OPCML: variants seen among roughly 807,000 people sequenced by gnomAD.
The protein encoded by OPCML is opioid binding protein/cell adhesion molecule like.
OPCML carries 13 observed loss-of-function variants against 37.8 expected under a neutral mutation model. That is an observed-to-expected ratio of 0.34 (90% CI 0.22 to 0.55). The LOEUF (loss-of-function observed/expected upper bound fraction) is 0.55, where lower values mean the gene tolerates loss of function less well. Among genes scored for constraint, OPCML ranks in the 20% least tolerant of loss-of-function variants. The pLI, the probability that OPCML is intolerant of heterozygous loss-of-function variation, is 0.91. For missense variants in OPCML, 341 were observed against 435.6 expected (o/e 0.78, Z 1.93); for synonymous variants, 176 against 168.8 (o/e 1.04, Z -0.33).
In OPCML at chr11:132,427,113, A is replaced by T. The variant is rs181585784; in HGVS notation, c.917-6820T>A. On this transcript the variant is annotated intron_variant, in intron 7 of 7. Transcript: ENST00000524381. Reference sequence around the variant, plus strand: ...CCATAAACTATATAGCTGAAATTCTACTAAAATGGCAGATGGTAGGGTGAC... The same window carrying T: ...CCATAAACTATATAGCTGAAATTCTTCTAAAATGGCAGATGGTAGGGTGAC... Among the ~76,000 whole-genome samples, 25 of 152,330 alleles carry T rather than the reference A, an allele frequency of 1.6e-4. No individual in the cohort carries two copies. In the East Asian group the frequency reaches 4.8e-3, roughly 29 times the overall value.
intron 3 of OPCML, among the ~76,000 whole-genome samples, chr11:132,536,394 C>T (rs887570389): frequency 6.6e-6 from 1 of 152,146 alleles, no homozygotes; most frequent in African/African-American, 2.4e-5. Context: ...TTTTTGTACA[C>T]AAGCCATTAA....
chr11:133,508,633 C>G (rs932168815), intron 1 of OPCML, among the ~76,000 whole-genome samples: 1 of 152,152 alleles, frequency 6.6e-6, no homozygotes, highest in East Asian at 1.9e-4. Context: ...GGAACTGGCC[C>G]GAGCCTCCCA....
intron 7 of OPCML, among the ~76,000 whole-genome samples, chr11:132,429,103 G>A (rs771155938): frequency 2.0e-5 from 3 of 152,018 alleles, no homozygotes; most frequent in East Asian, 1.9e-4. Flanking sequence ...GATGTGTAAC[G>A]GGATCTGGGA....
intron 4 of OPCML, among the ~76,000 whole-genome samples, chr11:132,459,383 T>C (rs917218448): frequency 1.4e-4 from 21 of 147,670 alleles, no homozygotes; most frequent in African/African-American, 5.0e-4. Context: ...ATGAGCCAAT[T>C]CCTTTCTCTC....
At chr11:133,073,761 T>G (rs987840836) in intron 1 of OPCML, among the ~76,000 whole-genome samples, 1 of 152,224 alleles carries the variant, frequency 6.6e-6, no homozygotes, top group Non-Finnish European at 1.5e-5. Flanking sequence ...CAAGTGATTA[T>G]GAACAAATGC....
chr11:133,525,926 G>A lies in OPCML; in HGVS notation c.61+6338C>T, dbSNP rs187232847. On this transcript the variant is annotated intron_variant, in intron 1 of 7. Coordinates refer to ENST00000524381, the MANE Select transcript of OPCML (RefSeq NM_001012393.5). ...GGGGGTCTCTCAGCACAGCATCTCC[G>A]CTCATTAACGAGAATGCGCCTGCAT... Among the ~76,000 whole-genome samples, 18 of 152,294 alleles carry A rather than the reference G, an allele frequency of 1.2e-4. No individual in the cohort carries two copies. In the East Asian group the frequency reaches 3.1e-3, roughly 26 times the overall value.
At chr11:133,072,280 T>C (rs1261486536) in intron 1 of OPCML, among the ~76,000 whole-genome samples, 1 of 152,210 alleles carries the variant, frequency 6.6e-6, no homozygotes, top group Non-Finnish European at 1.5e-5. Context: ...GTGAATTATA[T>C]CTCAATTTAA....
chr11:132,836,098 G>A (rs747602965), intron 2 of OPCML, among the ~76,000 whole-genome samples: 14 of 152,138 alleles, frequency 9.2e-5, no homozygotes, highest in South Asian at 2.1e-4. Flanking sequence ...TTCAAAATGC[G>A]AAATTAACAG....
chr11:132,766,169 C>A (rs1490231743), intron 2 of OPCML, among the ~76,000 whole-genome samples: 3 of 151,066 alleles, frequency 2.0e-5, no homozygotes, highest in Admixed American at 2.0e-4. Flanking sequence ...CAACTAATAA[C>A]TATATAAGGA....
At chr11:132,601,426 C>A (rs1472723734) in intron 3 of OPCML, among the ~76,000 whole-genome samples, 1 of 152,160 alleles carries the variant, frequency 6.6e-6, no homozygotes, top group Admixed American at 6.5e-5. Context: ...ATCTTGCTTT[C>A]CCTAGAAATG....
chr11:133,075,796 C>T (rs754724241), intron 1 of OPCML, among the ~76,000 whole-genome samples: 26 of 152,178 alleles, frequency 1.7e-4, no homozygotes, highest in Non-Finnish European at 3.2e-4. Context: ...GCCTAGGGGA[C>T]CTTGGTCCTG....
intron 7 of OPCML, among the ~76,000 whole-genome samples, chr11:132,425,322 A>T (rs1251469561): frequency 6.6e-6 from 1 of 152,216 alleles, no homozygotes; most frequent in African/African-American, 2.4e-5. Flanking sequence ...GGAACAAATA[A>T]CCCTAAATCC....
chr11:133,469,387 C>T (rs182029662), intron 1 of OPCML, among the ~76,000 whole-genome samples: 1 of 152,288 alleles, frequency 6.6e-6, no homozygotes, highest in East Asian at 1.9e-4. Context: ...CAGTAGGCTC[C>T]ACCGTACAGC....
intron 1 of OPCML, among the ~76,000 whole-genome samples, chr11:133,381,901 C>T (rs1241084656): frequency 2.0e-5 from 3 of 152,214 alleles, no homozygotes; most frequent in Non-Finnish European, 4.4e-5. Flanking sequence ...GTATCACTCC[C>T]TCAACCCTCA....
rs1408658114 is a variant in OPCML at position 133,205,945 on chromosome 11, C to G, written c.62-262935G>C. ...TCCAAATCCCAGACAGCTCTGTAATCTTGCACAAGTTATGTATATCCACTT... is the reference window on the plus strand; with the variant it reads ...TCCAAATCCCAGACAGCTCTGTAATGTTGCACAAGTTATGTATATCCACTT... On this transcript the variant is annotated intron_variant, in intron 1 of 7. Coordinates refer to ENST00000524381, the MANE Select transcript of OPCML (RefSeq NM_001012393.5). The surrounding 1 kb of genome is among the most constrained non-coding windows in gnomAD (Gnocchi z 4.8). Among the ~76,000 whole-genome samples, 1 of 152,174 alleles carries G rather than the reference C, an allele frequency of 6.6e-6. No individual in the cohort carries two copies. Among genetic ancestry groups the G allele is most frequent in the Non-Finnish European group, 1.5e-5 (1 of 68,038 alleles).
intron 1 of OPCML, among the ~76,000 whole-genome samples, chr11:133,080,390 T>A (rs560952526): frequency 6.6e-6 from 1 of 151,330 alleles, no homozygotes; most frequent in East Asian, 1.9e-4. Context: ...AGGAAGGCCC[T>A]AAGAGGGAAG....
intron 4 of OPCML, among the ~76,000 whole-genome samples, chr11:132,447,540 G>A (rs1412619601): frequency 1.3e-5 from 2 of 151,566 alleles, no homozygotes; most frequent in Admixed American, 6.6e-5. Context: ...GAACTCCTGA[G>A]CTCAGTCAAT....
At chr11:133,292,594 G>A (rs780708793) in intron 1 of OPCML, among the ~76,000 whole-genome samples, 6 of 152,160 alleles carry the variant, frequency 3.9e-5, no homozygotes, top group Non-Finnish European at 7.3e-5. Context: ...ACGAACACGG[G>A]AGGCAGGTCC....
chr11:132,588,705 T>A (rs1331967995), intron 3 of OPCML, among the ~76,000 whole-genome samples: 2 of 152,136 alleles, frequency 1.3e-5, no homozygotes, highest in Non-Finnish European at 2.9e-5. Flanking sequence ...CTGGGCCCAC[T>A]CAGGAGAGAA....
Sources: allele counts gnomAD v4.1 joint callset (sites outside exome capture counted in the v4.1 genomes callset), GRCh38; gene constraint gnomAD v4.1.1; non-coding constraint Gnocchi (gnomAD v3.1); transcripts MANE v1.5; gene names NCBI Gene and HGNC (gene_info 2026-07-23, HGNC 2026-07-21).